The following CHODL variants were observed in gnomAD, a reference collection of about 807,000 sequenced individuals.
CHODL encodes the protein transmembrane protein MT75.
Under a neutral mutation model 34.5 loss-of-function variants are expected in CHODL, and 29 were observed. The ratio of observed to expected loss-of-function variants is 0.84; its 90% confidence interval spans 0.63 to 1.15. The LOEUF is 1.15. Ranked by LOEUF, CHODL falls within the 50% of genes most tolerant of loss-of-function variation. The probability of loss-of-function intolerance (pLI) is 0.00; values close to 1 mark genes in which losing one functional copy is unlikely to be tolerated. For synonymous variants in CHODL, 125 were observed against 116.1 expected (o/e 1.08, Z -0.49); for missense variants, 332 against 332.5 (o/e 1.00, Z 0.01).
At chr21:18,189,462 A>G (rs994179292) in intron 2 of CHODL, among the ~76,000 whole-genome samples, 2 of 152,098 alleles carry the variant, frequency 1.3e-5, no homozygotes, top group African/African-American at 4.8e-5. Context: ...TTTTCATTTA[A>G]CTTAGTCTAG....
chr21:18,134,792 T>C (rs530601739), intron 2 of CHODL, among the ~76,000 whole-genome samples: 4 of 152,336 alleles, frequency 2.6e-5, no homozygotes, highest in East Asian at 1.9e-4. Context: ...CAAATACTAA[T>C]AGATCTTTCC....
chr21:18,245,231 G>T lies in CHODL; in HGVS notation c.8G>T (p.Arg3Leu). 2.0e-6 allele frequency: 3 copies of T among 1,491,402 alleles called. No individual in the cohort carries two copies. The highest frequency in any genetic ancestry group is 2.7e-6 in the Non-Finnish European group (3 of 1,123,182). The allele number at this position is 1,491,402 out of a possible 1,614,324, so 92.4% of individuals were successfully genotyped here. The change falls in exon 1 of 6, where the codon CGC (arginine) becomes CTC (leucine). Residue 3 changes from arginine (R) to leucine (L), a missense_variant. By Grantham distance (102) the Arg-to-Leu change is moderately radical (BLOSUM62 -2). Transcript: ENST00000299295. MS[R>L]VVSLLLGAAL... is the part of the protein sequence containing the mutation. Reference sequence around the variant, plus strand: ...TGCTGCCACCGCGCCGCGATGAGCCGCGTGGTCTCGCTGCTGCTGGGCGCC... The same window carrying T: ...TGCTGCCACCGCGCCGCGATGAGCCTCGTGGTCTCGCTGCTGCTGGGCGCC...
intron 3 of CHODL, 89 bp downstream of exon 3, chr21:18,257,216 TTTTG>T (rs2074328902): frequency 1.6e-6 from 2 of 1,259,100 alleles, no homozygotes; most frequent in South Asian, 3.0e-5. Context: ...CTGTGGCTCT[TTTTG>T]TTTTTCTGCT....
chr21:18,038,877 T>A (rs936633296), intron 2 of CHODL, among the ~76,000 whole-genome samples: 2 of 151,762 alleles, frequency 1.3e-5, no homozygotes, highest in African/African-American at 4.8e-5. Flanking sequence ...CCCTTTTCAA[T>A]GTCATCTTAC....
intron 1 of CHODL, among the ~76,000 whole-genome samples, chr21:17,973,413 CTTTCTT>C (rs992735837): frequency 3.3e-5 from 4 of 121,962 alleles, no homozygotes; most frequent in Non-Finnish European, 6.7e-5. Flanking sequence ...TCTTTTCTTT[CTTTCTT>C]TTTTTTTTTT....
intron 2 of CHODL, among the ~76,000 whole-genome samples, chr21:18,218,306 T>A (rs977146225): frequency 1.3e-5 from 2 of 152,226 alleles, no homozygotes; most frequent in Non-Finnish European, 2.9e-5. Context: ...AACTTCTGTG[T>A]ACCTGCAGGC....
intron 2 of CHODL, among the ~76,000 whole-genome samples, chr21:18,047,240 T>G (rs551266183): frequency 3.3e-5 from 5 of 152,002 alleles, no homozygotes; most frequent in Middle Eastern, 3.4e-3. Context: ...CAAAGGTAAT[T>G]GAATATTGCC....
chr21:18,203,352 A>G (rs1358764969), intron 2 of CHODL, among the ~76,000 whole-genome samples: 4 of 152,184 alleles, frequency 2.6e-5, no homozygotes, highest in South Asian at 2.1e-4. Context: ...TGCAGTATTC[A>G]TAAGTGATTA....
chr21:18,180,991 A>G (rs1019163662), intron 2 of CHODL, among the ~76,000 whole-genome samples: 1 of 152,242 alleles, frequency 6.6e-6, no homozygotes, highest in African/African-American at 2.4e-5. Flanking sequence ...TGCTAAATAA[A>G]TTATAATCAA....
intron 1 of CHODL, among the ~76,000 whole-genome samples, chr21:17,973,596 T>A (rs1011070724): frequency 1.3e-5 from 2 of 151,618 alleles, no homozygotes; most frequent in Non-Finnish European, 2.9e-5. Flanking sequence ...TTTTGTATTT[T>A]TTTTTAGTAG....
chr21:18,265,231 GTGTGTATATATATATGTGTATATATA>G (rs1395626745), intron 5 of CHODL, among the ~76,000 whole-genome samples: 4 of 143,484 alleles, frequency 2.8e-5, no homozygotes, highest in Non-Finnish European at 6.0e-5. Context: ...ATATATATAT[GTGTGTATATATATATGTGTATATATA>G]TGTGTATATA....
chr21:18,127,995 TC>T (rs1222846411), intron 2 of CHODL, among the ~76,000 whole-genome samples: 1 of 151,724 alleles, frequency 6.6e-6, no homozygotes, highest in Non-Finnish European at 1.5e-5. Flanking sequence ...GAGAGATAAA[TC>T]TACACATTCA....
intron 1 of CHODL, among the ~76,000 whole-genome samples, chr21:17,998,969 G>A (rs2063879128): frequency 6.6e-6 from 1 of 152,118 alleles, no homozygotes; most frequent in Admixed American, 6.5e-5. Context: ...TCAAAAAATG[G>A]GTTTTTCATT....
At chr21:18,133,284 T>C (rs1195975450) in intron 2 of CHODL, among the ~76,000 whole-genome samples, 1 of 152,170 alleles carries the variant, frequency 6.6e-6, no homozygotes, top group African/African-American at 2.4e-5. Flanking sequence ...CTCTTTTCTA[T>C]GCCTGCATGT....
intron 1 of CHODL, among the ~76,000 whole-genome samples, chr21:17,965,101 T>G (rs554507725): frequency 1.3e-5 from 2 of 152,298 alleles, no homozygotes; most frequent in Admixed American, 1.3e-4. Flanking sequence ...GATAATCTCT[T>G]AAACCATTTA....
At chr21:18,008,308 TTGTTTG>T (rs201153860) in intron 1 of CHODL, among the ~76,000 whole-genome samples, 2,704 of 88,502 alleles carry the variant, frequency 0.031, 40 homozygotes, top group Admixed American at 0.061. Context: ...AAAAATTTCT[TTGTTTG>T]TGTGTGTGTG....
chr21:18,261,360 T>TA (rs60033114), intron 4 of CHODL, among the ~76,000 whole-genome samples: 9,137 of 137,738 alleles, frequency 0.066, 301 homozygotes, highest in Non-Finnish European at 0.085. Context: ...TAAAGTATGA[T>TA]AAAAAAAAAA....
chr21:18,006,235 C>G (rs999467622), intron 1 of CHODL, among the ~76,000 whole-genome samples: 2 of 151,684 alleles, frequency 1.3e-5, no homozygotes, highest in African/African-American at 4.8e-5. Flanking sequence ...TTATCAGCAG[C>G]ATGAAAATGG....
chr21:17,927,478 C>G (rs574207765), intron 1 of CHODL, among the ~76,000 whole-genome samples: 9 of 152,090 alleles, frequency 5.9e-5, no homozygotes, highest in Non-Finnish European at 1.2e-4. Flanking sequence ...CAAAACATTT[C>G]TTTTCTGTGG....
Sources: gnomAD v4.1 joint callset for allele counts (sites outside exome capture counted in the v4.1 genomes callset) on GRCh38, gnomAD v4.1.1 for gene constraint, MANE v1.5 for transcripts, NCBI Gene and HGNC (gene_info 2026-07-23, HGNC 2026-07-21) for gene names.